Variants in BCAR3 observed in about 807,000 individuals in gnomAD.
BCAR3 encodes BCAR3 adaptor protein, NSP family member, also known as breast cancer anti-estrogen resistance protein 3.
A neutral mutation model predicts 80.1 loss-of-function variants in BCAR3; 37 were observed. The observed-to-expected ratio is 0.46, with a 90% CI of 0.36 to 0.61. BCAR3 has a LOEUF of 0.61. Ranked by LOEUF, BCAR3 falls within the 20% of genes least tolerant of loss-of-function variation. The pLI, the probability that BCAR3 is intolerant of heterozygous loss-of-function variation, is 0.00. For missense variants in BCAR3, 978 were observed against 1,068.2 expected (o/e 0.92, Z 1.18); for synonymous variants, 389 against 418.9 (o/e 0.93, Z 0.87).
chr1:93,830,396 G>A (rs1479986434), intron 2 of BCAR3, among the ~76,000 whole-genome samples: 3 of 152,168 alleles, frequency 2.0e-5, no homozygotes, highest in Non-Finnish European at 4.4e-5. Flanking sequence ...AGTAACTGAA[G>A]AATCACAAAA....
chr1:93,748,578 G>A (rs1297490079), intron 2 of BCAR3, among the ~76,000 whole-genome samples: 3 of 152,112 alleles, frequency 2.0e-5, no homozygotes, highest in South Asian at 4.1e-4. Context: ...CTTCATTAAA[G>A]GGAAGTAGCC....
intron 2 of BCAR3, among the ~76,000 whole-genome samples, chr1:93,721,478 A>G (rs1650399232): frequency 6.6e-6 from 1 of 152,066 alleles, no homozygotes; most frequent in Non-Finnish European, 1.5e-5. Context: ...CTAAGCACAC[A>G]TGACTTTGTA....
At chr1:93,702,756 G>C (rs927544003) in intron 3 of BCAR3, among the ~76,000 whole-genome samples, 9 of 152,334 alleles carry the variant, frequency 5.9e-5, no homozygotes, top group Admixed American at 5.9e-4. Context: ...GGAGTGCCAG[G>C]CATTGTATTT....
chr1:93,699,234 TG>T, intron 3 of BCAR3, among the ~76,000 whole-genome samples: 1 of 152,230 alleles, frequency 6.6e-6, no homozygotes, highest in Non-Finnish European at 1.5e-5. Flanking sequence ...CTCCGACACA[TG>T]GGGTTTTCTT....
At chr1:93,642,495 G>A (rs747183775) in intron 2 of BCAR3, 152 bp from the exon 3 acceptor site, 43 of 702,502 alleles carry the variant, frequency 6.1e-5, no homozygotes, top group African/African-American at 1.2e-4. Context: ...GTGTGTGGTG[G>A]GGTGGGAGAT....
intron 2 of BCAR3, among the ~76,000 whole-genome samples, chr1:93,843,213 AGTGTT>A (rs1655025050): frequency 6.6e-6 from 1 of 152,212 alleles, no homozygotes; most frequent in Non-Finnish European, 1.5e-5. Flanking sequence ...TGAGAAGCTA[AGTGTT>A]CTGTTCGGTA....
At chr1:93,761,952 A>G (rs1461344936) in intron 2 of BCAR3, among the ~76,000 whole-genome samples, 2 of 152,096 alleles carry the variant, frequency 1.3e-5, no homozygotes, top group African/African-American at 4.8e-5. Flanking sequence ...CTGGGCTCTC[A>G]GGGTTTATGA....
chr1:93,727,806 C>G (rs1650644632), intron 2 of BCAR3, among the ~76,000 whole-genome samples: 1 of 152,198 alleles, frequency 6.6e-6, no homozygotes, highest in Non-Finnish European at 1.5e-5. Flanking sequence ...AAAGACACAT[C>G]CACTTTGAAA....
intron 5 of BCAR3, chr1:93,585,000 C>T (rs72963345): frequency 4.1e-6 from 4 of 985,396 alleles, no homozygotes; most frequent in Non-Finnish European, 3.6e-6. Context: ...AAAAACAAAT[C>T]AAAAAACCCC....
intron 2 of BCAR3, among the ~76,000 whole-genome samples, chr1:93,670,774 A>G (rs1390729854): frequency 6.6e-6 from 1 of 152,168 alleles, no homozygotes; most frequent in African/African-American, 2.4e-5. Context: ...TCTGAAAACT[A>G]TAAAATGTAG....
chr1:93,569,212 T>C (rs1339756926), intron 9 of BCAR3, among the ~76,000 whole-genome samples: 1 of 152,254 alleles, frequency 6.6e-6, no homozygotes, highest in African/African-American at 2.4e-5. Context: ...AAGAATTTCA[T>C]TTAATCTTCA....
chr1:93,566,356 C>T (rs1672951699), intron 11 of BCAR3, among the ~76,000 whole-genome samples: 1 of 152,282 alleles, frequency 6.6e-6, no homozygotes, highest in South Asian at 2.1e-4. Context: ...TCTTTCCTAA[C>T]ATCTCTGACC....
intron 5 of BCAR3, 113 bp from the exon 6 acceptor site, chr1:93,584,234 C>T (rs146528393): frequency 1.9e-5 from 17 of 873,434 alleles, no homozygotes; most frequent in South Asian, 3.6e-5. Context: ...CTGCTCAGAA[C>T]GAGAGTGCTA....
At chr1:93,699,110 C>G (rs1357259668) in intron 3 of BCAR3, among the ~76,000 whole-genome samples, 1 of 152,190 alleles carries the variant, frequency 6.6e-6, no homozygotes, top group East Asian at 1.9e-4. Flanking sequence ...CCCTGTAAAA[C>G]AAGTATCATT....
At chr1:93,635,904 A>T (rs570416560) in intron 3 of BCAR3, among the ~76,000 whole-genome samples, 20 of 152,236 alleles carry the variant, frequency 1.3e-4, no homozygotes, top group Non-Finnish European at 2.8e-4. Context: ...TCTCTCAAAG[A>T]CAGCTATTTA....
At chr1:93,658,747 C>T (rs896957738) in intron 2 of BCAR3, among the ~76,000 whole-genome samples, 9 of 152,352 alleles carry the variant, frequency 5.9e-5, no homozygotes, top group African/African-American at 2.2e-4. Flanking sequence ...GACTAGAAGG[C>T]TTACATGTCT....
At chr1:93,819,703 A>G (rs1654146928) in intron 2 of BCAR3, among the ~76,000 whole-genome samples, 1 of 152,172 alleles carries the variant, frequency 6.6e-6, no homozygotes, top group Non-Finnish European at 1.5e-5. Context: ...TTCACCTACC[A>G]CAAACACTAT....
chr1:93,691,108 G>A (rs1382518567), intron 3 of BCAR3, among the ~76,000 whole-genome samples: 1 of 152,162 alleles, frequency 6.6e-6, no homozygotes, highest in African/African-American at 2.4e-5. Flanking sequence ...GATTGCCCAA[G>A]GCCACTGAGC....
intron 3 of BCAR3, among the ~76,000 whole-genome samples, chr1:93,611,101 G>A (rs1674935488): frequency 6.6e-6 from 1 of 152,152 alleles, no homozygotes; most frequent in South Asian, 2.1e-4. Flanking sequence ...GTGAGACAAA[G>A]TTGTTGAAGT....
Sources: gnomAD v4.1 joint callset for allele counts (sites outside exome capture counted in the v4.1 genomes callset) on GRCh38, gnomAD v4.1.1 for gene constraint, MANE v1.5 for transcripts, NCBI Gene and HGNC (gene_info 2026-07-23, HGNC 2026-07-21) for gene names.